Variants in MTCL1 observed in about 807,000 individuals in gnomAD.
MTCL1 encodes the protein microtubule cross-linking factor 1.
In MTCL1, 79 loss-of-function variants were observed where a neutral mutation model predicts 141.4. The ratio of observed to expected loss-of-function variants is 0.56; its 90% CI spans 0.47 to 0.67. The LOEUF (loss-of-function observed/expected upper bound fraction) is 0.67, where lower values mean the gene tolerates loss of function less well. MTCL1 is among the 30% of genes least tolerant of loss of function. The pLI is 0.00. For synonymous variants in MTCL1, 914 were observed against 875.8 expected (o/e 1.04, Z -0.77); for missense variants, 2,177 against 2,113.9 (o/e 1.03, Z -0.59).
At chr18:8,734,446 C>T (rs2096266271) in intron 4 of MTCL1, among the ~76,000 whole-genome samples, 1 of 152,040 alleles carries the variant, frequency 6.6e-6, no homozygotes, top group Non-Finnish European at 1.5e-5. Flanking sequence ...CGGAGCCATC[C>T]CCGTGAAGTC....
At chr18:8,724,745 A>G (rs1489312166) in intron 4 of MTCL1, among the ~76,000 whole-genome samples, 1 of 152,178 alleles carries the variant, frequency 6.6e-6, no homozygotes, top group Non-Finnish European at 1.5e-5. Flanking sequence ...GCAGTTTAGA[A>G]TGATGACTAG....
At chr18:8,787,902 C>G (rs562436234) in intron 7 of MTCL1, among the ~76,000 whole-genome samples, 4 of 152,336 alleles carry the variant, frequency 2.6e-5, no homozygotes, top group African/African-American at 9.6e-5. Flanking sequence ...GTCGCAGAGC[C>G]TGGGTCGGGA....
intron 13 of MTCL1, among the ~76,000 whole-genome samples, chr18:8,820,543 T>C (rs1163202163): frequency 1.3e-5 from 2 of 152,196 alleles, no homozygotes; most frequent in Admixed American, 1.3e-4. Flanking sequence ...TATGCAGAAA[T>C]TATATTTCAC....
intron 11 of MTCL1, among the ~76,000 whole-genome samples, chr18:8,807,318 A>T (rs186714455): frequency 6.6e-6 from 1 of 152,286 alleles, no homozygotes; most frequent in East Asian, 1.9e-4. Context: ...TGCATTAAAC[A>T]AGCTTGTATT....
At chr18:8,717,980 G>A in intron 2 of MTCL1, 1 of 1,010,858 alleles carries the variant, frequency 9.9e-7, no homozygotes, top group Non-Finnish European at 1.2e-6. Context: ...TTAGTTCCAG[G>A]GCAATTAGCA....
At position 8,826,241 on chromosome 18, in the gene MTCL1, T is replaced by TG; in HGVS notation, c.4722+10dup. ...AGCCAGGGCCCATGGAGGTAATGAA[T>TG]GCTGAGTGCCCCACACCCTTCCCCA... On this transcript the variant is annotated intron_variant, in intron 15 of 16. Transcript: ENST00000359865. The TG allele has an allele frequency of 6.4e-7, 1 of 1,572,658 alleles. No individual in the cohort carries two copies. Among genetic ancestry groups the TG allele is most frequent in the Non-Finnish European group, 8.6e-7 (1 of 1,158,288 alleles).
chr18:8,725,510 G>T (rs573439968), intron 4 of MTCL1, among the ~76,000 whole-genome samples: 2 of 152,230 alleles, frequency 1.3e-5, no homozygotes, highest in South Asian at 2.1e-4. Flanking sequence ...ATACACAAAG[G>T]TTTAACAAAG....
chr18:8,806,232 TA>T (rs1450221663), intron 10 of MTCL1, among the ~76,000 whole-genome samples: 1 of 152,216 alleles, frequency 6.6e-6, no homozygotes, highest in African/African-American at 2.4e-5. Flanking sequence ...CTTTAATTAT[TA>T]AACATCAAAA....
At chr18:8,778,740 A>G (rs2096522069) in intron 5 of MTCL1, among the ~76,000 whole-genome samples, 1 of 152,220 alleles carries the variant, frequency 6.6e-6, no homozygotes, top group Non-Finnish European at 1.5e-5. Context: ...TTTGGAATCC[A>G]TTAATAACAG....
intron 7 of MTCL1, among the ~76,000 whole-genome samples, chr18:8,787,542 C>T (rs553247647): frequency 3.3e-5 from 5 of 152,376 alleles, no homozygotes; most frequent in Admixed American, 2.0e-4. Flanking sequence ...GTCACTCTAA[C>T]GACTAATTGT....
upstream of MTCL1, among the ~76,000 whole-genome samples, chr18:8,713,776 G>C (rs688046): frequency 6.6e-6 from 1 of 151,968 alleles, no homozygotes; most frequent in Non-Finnish European, 1.5e-5. Flanking sequence ...CAGTTTCCTC[G>C]TTTTAAAGAT....
exon 17 of MTCL1, chr18:8,831,890 G>A: frequency 1.2e-5 from 18 of 1,443,728 alleles, no homozygotes; most frequent in Non-Finnish European, 1.7e-5. Flanking sequence ...CAACAGGAGA[G>A]ATCTAGTTTT....
At chr18:8,716,977 T>C (rs1016226837), upstream of MTCL1, among the ~76,000 whole-genome samples, 1 of 152,196 alleles carries the variant, frequency 6.6e-6, no homozygotes, top group African/African-American at 2.4e-5. Context: ...GGGAAGAAGC[T>C]TTCATCACTG....
At chr18:8,825,323 G>A in exon 15 of MTCL1, 1 of 1,538,434 alleles carries the variant, frequency 6.5e-7, no homozygotes, top group Non-Finnish European at 8.7e-7. Context: ...CCTCCCCACT[G>A]CACAGCCTGG....
chr18:8,760,435 A>C (rs1025529041), intron 4 of MTCL1, among the ~76,000 whole-genome samples: 1 of 152,204 alleles, frequency 6.6e-6, no homozygotes, highest in African/African-American at 2.4e-5. Context: ...ATGTTTGCTA[A>C]CGCCCCTGAC....
intron 1 of MTCL1, 150 bp downstream of exon 1, chr18:8,706,863 A>T (rs1051502178): frequency 7.4e-7 from 1 of 1,356,418 alleles, no homozygotes; most frequent in African/African-American, 1.5e-5. Flanking sequence ...AGGCATTGGC[A>T]ACTTAAGCCC....
intron 4 of MTCL1, among the ~76,000 whole-genome samples, chr18:8,725,790 C>CTTTTTTTTTTTTTTTTTTTTTTT (rs796484848): frequency 9.8e-5 from 6 of 61,066 alleles, no homozygotes; most frequent in Admixed American, 2.8e-4. Flanking sequence ...TTTTTTTTTT[C>CTTTTTTTTTTTTTTTTTTTTTTT]TTTTTTTTTT....
intron 4 of MTCL1, among the ~76,000 whole-genome samples, chr18:8,726,302 T>G (rs2148839064): frequency 6.8e-6 from 1 of 147,374 alleles, no homozygotes; most frequent in African/African-American, 2.5e-5. Flanking sequence ...TTTTTTTTTT[T>G]TTTTGTCTTA....
At chr18:8,813,909 G>A (rs17484138) in intron 12 of MTCL1, among the ~76,000 whole-genome samples, 38,483 of 152,172 alleles carry the variant, frequency 0.25, 5,278 homozygotes, top group Middle Eastern at 0.33. Flanking sequence ...CATAGTTGCA[G>A]TAGTTCCTGA....
Sources: gnomAD v4.1 joint callset for allele counts (sites outside exome capture counted in the v4.1 genomes callset) on GRCh38, gnomAD v4.1.1 for gene constraint, MANE v1.5 for transcripts, NCBI Gene and HGNC (gene_info 2026-07-23, HGNC 2026-07-21) for gene names.